Variants in PCCA observed in about 807,000 individuals in gnomAD.
PCCA encodes propionyl-CoA carboxylase alpha chain, mitochondrial.
In PCCA, 74 loss-of-function variants were observed where a neutral mutation model predicts 101.3. The ratio of observed to expected loss-of-function variants is 0.73; its 90% CI spans 0.61 to 0.89. The LOEUF is 0.89. Among genes scored for constraint, PCCA ranks in the 40% least tolerant of loss-of-function variants. The pLI is 0.00. For synonymous variants in PCCA, 294 were observed against 313.6 expected, an observed-to-expected ratio of 0.94 and a Z score of 0.66; for missense variants, 891 against 907.0, an observed-to-expected ratio of 0.98 and a Z score of 0.23.
chr13:100,468,027 G>A (rs1350114591), intron 21 of PCCA, among the ~76,000 whole-genome samples: 1 of 152,200 alleles, frequency 6.6e-6, no homozygotes, highest in Non-Finnish European at 1.5e-5. Context: ...AATGGATGTC[G>A]TGTTAGCAGG....
At chr13:100,376,918 C>G (rs2075947519) in intron 19 of PCCA, among the ~76,000 whole-genome samples, 1 of 152,178 alleles carries the variant, frequency 6.6e-6, no homozygotes, top group Non-Finnish European at 1.5e-5. Context: ...TGCTTGAAAC[C>G]CAGGGCCCTG....
intron 8 of PCCA, 122 bp downstream of exon 8, chr13:100,236,000 C>T (rs558268563): frequency 1.4e-6 from 1 of 702,770 alleles, no homozygotes; most frequent in Non-Finnish European, 2.6e-6. Flanking sequence ...ATTTTGATTA[C>T]TTGTTGCTCT....
intron 6 of PCCA, among the ~76,000 whole-genome samples, chr13:100,208,249 G>C (rs952858336): frequency 4.6e-5 from 7 of 152,106 alleles, no homozygotes; most frequent in African/African-American, 1.2e-4. Flanking sequence ...TCTTGGTCAT[G>C]ATGGCCAGGA....
At chr13:100,150,517 T>A (rs988428293) in intron 4 of PCCA, 1 of 1,364,154 alleles carries the variant, frequency 7.3e-7, no homozygotes, top group African/African-American at 1.4e-5. Flanking sequence ...TATTGCGCCT[T>A]CTCCAAGCTC....
At chr13:100,165,118 A>G (rs2054891396) in intron 6 of PCCA, among the ~76,000 whole-genome samples, 1 of 152,172 alleles carries the variant, frequency 6.6e-6, no homozygotes, top group African/African-American at 2.4e-5. Context: ...GTTGTGAATA[A>G]TGCTGCTATG....
intron 19 of PCCA, among the ~76,000 whole-genome samples, chr13:100,375,256 T>C (rs1002538044): frequency 1.3e-4 from 20 of 152,216 alleles, no homozygotes; most frequent in African/African-American, 3.9e-4. Flanking sequence ...TTCCATTCTT[T>C]TGCATTTGCT....
chr13:100,209,777 G>A (rs777604439), intron 7 of PCCA, among the ~76,000 whole-genome samples: 10 of 151,910 alleles, frequency 6.6e-5, no homozygotes, highest in Admixed American at 2.6e-4. Context: ...GATTGCAGGT[G>A]CCTGCCACCA....
intron 4 of PCCA, among the ~76,000 whole-genome samples, chr13:100,136,748 A>G (rs780020075): frequency 9.2e-5 from 14 of 152,094 alleles, no homozygotes; most frequent in Non-Finnish European, 1.6e-4. Flanking sequence ...GTTTGTAGTG[A>G]TAACCTCTTT....
At chr13:100,453,875 T>C (rs995630687) in intron 21 of PCCA, among the ~76,000 whole-genome samples, 1 of 152,164 alleles carries the variant, frequency 6.6e-6, no homozygotes, top group Non-Finnish European at 1.5e-5. Flanking sequence ...GTTTTGTTTT[T>C]GTTTTTGGAG....
chr13:100,153,878 T>A (rs1001345047), intron 4 of PCCA, among the ~76,000 whole-genome samples: 5 of 152,216 alleles, frequency 3.3e-5, no homozygotes, highest in Non-Finnish European at 7.3e-5. Flanking sequence ...CTCAATATAA[T>A]TTTTTACTAA....
chr13:100,421,809 C>A (rs909634318), intron 19 of PCCA, among the ~76,000 whole-genome samples: 1 of 151,992 alleles, frequency 6.6e-6, no homozygotes, highest in South Asian at 2.1e-4. Flanking sequence ...CTCAGCCTCC[C>A]GAGTAGCTGG....
chr13:100,514,226 A>G (rs1019632460), intron 21 of PCCA, among the ~76,000 whole-genome samples: 19 of 152,190 alleles, frequency 1.2e-4, no homozygotes, highest in African/African-American at 4.6e-4. Flanking sequence ...CATGCAAAAG[A>G]TGTTATTATT....
intron 22 of PCCA, among the ~76,000 whole-genome samples, chr13:100,526,200 G>A (rs1284100043): frequency 6.6e-6 from 1 of 152,204 alleles, no homozygotes; most frequent in Non-Finnish European, 1.5e-5. Flanking sequence ...CACCCCTGAT[G>A]GGGGCCTCTG....
At chr13:100,358,736 T>C (rs1054122257) in intron 18 of PCCA, among the ~76,000 whole-genome samples, 1 of 152,210 alleles carries the variant, frequency 6.6e-6, no homozygotes, top group African/African-American at 2.4e-5. Context: ...AGGTAAAACA[T>C]GTTTATTACC....
intron 19 of PCCA, among the ~76,000 whole-genome samples, chr13:100,386,574 G>T (rs527466776): frequency 1.3e-5 from 2 of 152,256 alleles, no homozygotes; most frequent in South Asian, 4.1e-4. Context: ...GTACAGACGT[G>T]GTTTCACTGT....
chr13:100,405,338 C>G (rs182831208), intron 19 of PCCA, among the ~76,000 whole-genome samples: 22 of 152,204 alleles, frequency 1.4e-4, no homozygotes, highest in African/African-American at 5.1e-4. Context: ...TGAGCTGCAG[C>G]CAGAGATTGC....
At chr13:100,197,054 G>GT (rs1170156358) in intron 6 of PCCA, among the ~76,000 whole-genome samples, 7 of 152,210 alleles carry the variant, frequency 4.6e-5, no homozygotes, top group African/African-American at 1.7e-4. Context: ...CTAATGTGTT[G>GT]TCACCATTGC....
intron 4 of PCCA, chr13:100,150,725 T>A: frequency 6.3e-7 from 1 of 1,584,108 alleles, no homozygotes. Context: ...GTATGTGGAA[T>A]CTTCACCAAC....
At chr13:100,228,352 T>C (rs1259365664) in intron 7 of PCCA, among the ~76,000 whole-genome samples, 1 of 152,184 alleles carries the variant, frequency 6.6e-6, no homozygotes, top group Admixed American at 6.5e-5. Context: ...AGGATTATTA[T>C]GTAATGTGTC....
Sources: allele counts gnomAD v4.1 joint callset (sites outside exome capture counted in the v4.1 genomes callset), GRCh38; gene constraint gnomAD v4.1.1; transcripts MANE v1.5; gene names NCBI Gene and HGNC (gene_info 2026-07-23, HGNC 2026-07-21).